Variants in OR2AG2 observed in about 807,000 individuals in gnomAD.
The protein encoded by OR2AG2 is olfactory receptor 2AG2.
For synonymous variants in OR2AG2, 167 were observed against 157.1 expected, an observed-to-expected ratio of 1.06 and a Z score of -0.47; for missense variants, 390 against 391.9, an observed-to-expected ratio of 1.00 and a Z score of 0.04.
chr11:6,767,859 ATAAAAG>A lies in OR2AG2; in HGVS notation c.*142_*147del, dbSNP rs1847392199. 1.4e-6 allele frequency: 1 copy of A among 692,758 alleles called. No individual in the cohort carries two copies. The highest frequency in any genetic ancestry group is 2.4e-6 in the Non-Finnish European group (1 of 417,498). The allele number at this position is 692,758 out of a possible 1,614,324, so 42.9% of individuals were successfully genotyped here. The stretch of plus-strand genomic sequence containing the variant: ...GTACACACCAGATTCACAGTTGAAA[ATAAAAG>A]TAAAATTTAAAAAATGTATCTATCA... On this transcript the variant is annotated 3_prime_UTR_variant, in exon 2 of 2. Coordinates refer to ENST00000641124, the MANE Select transcript of OR2AG2 (RefSeq NM_001004490.2).
chr11:6,768,067 G>T lies in OR2AG2; in HGVS notation c.891C>A (p.Val297=). ...CCAGGACCCTCCTCAAGGCCCGCAT[G>T]ACCTCCTTATTCCTCAGGCTGTAGA... ...PLIYSLRNKE[V]MRALRRVLGK... Residue 297 remains valine, a synonymous_variant, in exon 2 of 2, where the codon GTC becomes GTA. Transcript: ENST00000641124. 1 of 1,614,096 alleles carries T rather than the reference G, an allele frequency of 6.2e-7. No individual in the cohort carries two copies. The highest frequency in any genetic ancestry group is 8.5e-7 in the Non-Finnish European group (1 of 1,180,022).
chr11:6,771,207 G>A (rs1847443787), intron 1 of OR2AG2, among the ~76,000 whole-genome samples: 1 of 152,100 alleles, frequency 6.6e-6, no homozygotes, highest in East Asian at 1.9e-4. Flanking sequence ...TACTTCATTT[G>A]GCTTTTTGTG....
At position 6,768,212 on chromosome 11, in the gene OR2AG2, C is replaced by T. The variant is rs960631378; in HGVS notation, c.746G>A (p.Gly249Glu). ...GAATGTGGCAGCTCCATAGAACATC[C>T]CGACCACAATCAGGTGGGAAGAGCA... ...VTCSSHLIVVGMFYGAATFMY... is the reference protein window; with the variant it reads ...VTCSSHLIVVEMFYGAATFMY... The change falls in exon 2 of 2, where the codon GGG becomes GAG. Residue 249 changes from glycine to glutamate, a missense_variant. Gly to Glu is a moderately conservative substitution (Grantham distance 98). Coordinates refer to ENST00000641124, the MANE Select transcript of OR2AG2 (RefSeq NM_001004490.2). The T allele has an allele frequency of 6.2e-7, 1 of 1,614,130 alleles. No homozygotes were observed. Among genetic ancestry groups the T allele is most frequent in the Non-Finnish European group, 8.5e-7 (1 of 1,180,014 alleles).
At chr11:6,769,945 A>G (rs1847432099) in intron 1 of OR2AG2, among the ~76,000 whole-genome samples, 1 of 152,164 alleles carries the variant, frequency 6.6e-6, no homozygotes, top group Non-Finnish European at 1.5e-5. Flanking sequence ...CAGTTTTTTC[A>G]CAGTCGGATG....
rs1564898263 is a variant in OR2AG2 at position 6,768,360 on chromosome 11, A to G, written c.598T>C (p.Tyr200His). Residue 200 changes from tyrosine (Y) to histidine (H), a missense_variant, in exon 2 of 2, where the codon TAC becomes CAC. Tyr to His is a moderately conservative substitution (Grantham distance 83, BLOSUM62 2). Transcript: ENST00000641124. ...ADTSRYELII[Y>H]VTGVTFLLLP... ...AAGAGGAAAGTCACACCTGTCACGT[A>G]TATTATAAGCTCATACCTGGAGGTA... 6.2e-7 allele frequency: 1 copy of G among 1,614,122 alleles called. No homozygotes were observed. The highest frequency in any genetic ancestry group is 8.5e-7 in the Non-Finnish European group (1 of 1,179,984).
At position 6,768,633 on chromosome 11, in the gene OR2AG2, T is replaced by C. The variant is rs1242978309; in HGVS notation, c.325A>G (p.Ser109Gly). The change falls in exon 2 of 2, where the codon AGC becomes GGC. Residue 109 changes from serine to glycine, a missense_variant. Ser to Gly is a moderately conservative substitution (Grantham distance 56, BLOSUM62 0). Coordinates refer to ENST00000641124, the MANE Select transcript of OR2AG2 (RefSeq NM_001004490.2). ...AAGGCCAGTAGGAGGTCCTCAGCGC[T>C]ACCCATTGTCAGTGCCAGGAACATC... ...LQMFLALTMG[S>G]AEDLLLAFMA... The C allele has an allele frequency of 4.0e-5, 65 of 1,614,036 alleles. No homozygotes were observed. The highest frequency in any genetic ancestry group is 5.0e-5 in the Admixed American group (3 of 60,014).
Position 6,767,411 on chromosome 11 carries a change from G to A in OR2AG2, c.*596C>T, listed in dbSNP as rs10839615. On this transcript the variant is annotated 3_prime_UTR_variant, in exon 2 of 2. Coordinates refer to ENST00000641124, the MANE Select transcript of OR2AG2 (RefSeq NM_001004490.2). ...AATGTAATTATTTATCATTACTCAAGTAACCAATGTGAAGGTCCCTTAGGT... is the reference window on the plus strand; with the variant it reads ...AATGTAATTATTTATCATTACTCAAATAACCAATGTGAAGGTCCCTTAGGT... 23,804 of 152,274 alleles carry A rather than the reference G, an allele frequency of 0.16. 2,360 individuals carry two copies. Among genetic ancestry groups the A allele is most frequent in the Admixed American group, 0.3 (4,550 of 15,282 alleles). The allele number at this position is 152,274 out of a possible 1,614,324, so 9.4% of individuals were successfully genotyped here.
rs962827584 is a variant in OR2AG2 at position 6,767,727 on chromosome 11, G to A, written c.*280C>T. ...GTCAGGACGATGCCTACCACAGAGT[G>A]AGTCTACAACACCCATTCAAGGCTT... is the stretch of plus-strand genomic sequence containing the variant. On this transcript the variant is annotated 3_prime_UTR_variant, in exon 2 of 2. Transcript: ENST00000641124. 7 of 403,934 alleles carry A rather than the reference G, an allele frequency of 1.7e-5. No homozygotes were observed. The highest frequency in any genetic ancestry group is 1.4e-4 in the African/African-American group (7 of 49,326). 25.0% of individuals were successfully genotyped at this position (403,934 alleles called of 1,614,324 possible).
Position 6,767,732 on chromosome 11 carries a change from T to TAC in OR2AG2, c.*273_*274dup. 1 of 439,594 alleles carries TAC rather than the reference T, an allele frequency of 2.3e-6. No homozygotes were observed. The highest frequency in any genetic ancestry group is 4.0e-6 in the Non-Finnish European group (1 of 247,706). The allele number at this position is 439,594 out of a possible 1,614,324, so 27.2% of individuals were successfully genotyped here. A position where few individuals can be genotyped will look rare whatever the true frequency, so the allele number is the denominator to read the frequency against. On this transcript the variant is annotated 3_prime_UTR_variant, in exon 2 of 2. Transcript: ENST00000641124. The stretch of plus-strand genomic sequence containing the variant: ...GACGATGCCTACCACAGAGTGAGTC[T>TAC]ACAACACCCATTCAAGGCTTTTCCC...
In OR2AG2 at chr11:6,767,497, T is replaced by C. The variant is rs972988252; in HGVS notation, c.*510A>G. The C allele has an allele frequency of 1.3e-5, 2 of 154,290 alleles. No homozygotes were observed. Among genetic ancestry groups the C allele is most frequent in the Non-Finnish European group, 2.9e-5 (2 of 69,566 alleles). The allele number at this position is 154,290 out of a possible 1,614,324, so 9.6% of individuals were successfully genotyped here. A position where few individuals can be genotyped will look rare whatever the true frequency, so the allele number is the denominator to read the frequency against. ...TTTCCACTAACTGCTCAAATAATCA[T>C]CTACTTAATAAACAGGAAGTCTAAT... On this transcript the variant is annotated 3_prime_UTR_variant, in exon 2 of 2. Transcript: ENST00000641124.
chr11:6,771,179 A>C (rs1847443408), intron 1 of OR2AG2, among the ~76,000 whole-genome samples: 1 of 152,200 alleles, frequency 6.6e-6, no homozygotes, highest in African/African-American at 2.4e-5. Context: ...TCTGCTCAGT[A>C]TATTTATTTT....
intron 1 of OR2AG2, among the ~76,000 whole-genome samples, chr11:6,770,719 T>G (rs1847438520): frequency 6.6e-6 from 1 of 152,158 alleles, no homozygotes; most frequent in Non-Finnish European, 1.5e-5. Flanking sequence ...AATGCCTTCA[T>G]TTTTCTTGAA....
Position 6,769,005 on chromosome 11 carries a change from C to T in OR2AG2, c.-48G>A. The stretch of plus-strand genomic sequence containing the variant: ...GAACCAAATATATTATCAGTGGAAG[C>T]TTTTCTAAAGGTGTTCACTCTAGCT... On this transcript the variant is annotated 5_prime_UTR_variant, in exon 2 of 2. Coordinates refer to ENST00000641124, the MANE Select transcript of OR2AG2 (RefSeq NM_001004490.2). 7.1e-7 allele frequency: 1 copy of T among 1,409,130 alleles called. No homozygotes were observed. The highest frequency in any genetic ancestry group is 9.8e-7 in the Non-Finnish European group (1 of 1,017,462). The allele number at this position is 1,409,130 out of a possible 1,614,324, so 87.3% of individuals were successfully genotyped here.
rs1387248311 is a variant in OR2AG2 at position 6,771,840 on chromosome 11, T to C, written c.-756A>G. On this transcript the variant is annotated 5_prime_UTR_variant, in exon 1 of 2. Coordinates refer to ENST00000641124, the MANE Select transcript of OR2AG2 (RefSeq NM_001004490.2). ...AACCTAGGGCAGGATCCTGCAGAAG[T>C]GAGGAGCTGAATCTCTTCCAAAGTT... The C allele has an allele frequency of 6.6e-6, 1 of 152,304 alleles. No homozygotes were observed. Among genetic ancestry groups the C allele is most frequent in the East Asian group, 1.9e-4 (1 of 5,178 alleles). The allele number at this position is 152,304 out of a possible 1,614,324, so 9.4% of individuals were successfully genotyped here.
Position 6,769,039 on chromosome 11 carries a change from T to C in OR2AG2, c.-82A>G. ...AGGTGTTCACTCTAGCTTTGGATTGTTCTAGGTCACTGTGCATTGGCCAAT... is the reference window on the plus strand; with the variant it reads ...AGGTGTTCACTCTAGCTTTGGATTGCTCTAGGTCACTGTGCATTGGCCAAT... On this transcript the variant is annotated 5_prime_UTR_variant, in exon 2 of 2. Transcript: ENST00000641124. The C allele has an allele frequency of 1.0e-6, 1 of 983,738 alleles. No homozygotes were observed. Among genetic ancestry groups the C allele is most frequent in the Non-Finnish European group, 1.5e-6 (1 of 665,138 alleles). 60.9% of individuals were successfully genotyped at this position (983,738 alleles called of 1,614,324 possible). A position where few individuals can be genotyped will look rare whatever the true frequency, so the allele number is the denominator to read the frequency against.
In OR2AG2 at chr11:6,769,021, C is replaced by T. The variant is rs540324170; in HGVS notation, c.-64G>A. 1.8e-5 allele frequency: 21 copies of T among 1,195,312 alleles called. No homozygotes were observed. The South Asian group carries it at 3.0e-4, about 17-fold the overall frequency. The allele number at this position is 1,195,312 out of a possible 1,614,324, so 74.0% of individuals were successfully genotyped here. A position where few individuals can be genotyped will look rare whatever the true frequency, so the allele number is the denominator to read the frequency against. On this transcript the variant is annotated 5_prime_UTR_variant, in exon 2 of 2. Transcript: ENST00000641124. ...CAGTGGAAGCTTTTCTAAAGGTGTT[C>T]ACTCTAGCTTTGGATTGTTCTAGGT...
chr11:6,771,501 G>A (rs1398952096), intron 1 of OR2AG2, 121 bp downstream of exon 1: 2 of 152,254 alleles, frequency 1.3e-5, no homozygotes, highest in Non-Finnish European at 2.9e-5. Context: ...ATGGGAGTGA[G>A]TGAATCATAA....
At position 6,769,200 on chromosome 11, in the gene OR2AG2, C is replaced by A; in HGVS notation, c.-243G>T. 2.3e-6 allele frequency: 1 copy of A among 441,076 alleles called. No homozygotes were observed. The allele number at this position is 441,076 out of a possible 1,614,324, so 27.3% of individuals were successfully genotyped here. A position where few individuals can be genotyped will look rare whatever the true frequency, so the allele number is the denominator to read the frequency against. On this transcript the variant is annotated 5_prime_UTR_variant, in exon 2 of 2. It introduces an in-frame stop codon into an upstream open reading frame of the 5' UTR. Transcript: ENST00000641124. Reference sequence around the variant, plus strand: ...TGTTAATAGTAATCATTTAGAAATCCCTTCAAATAAGGTATCCTGAAGAAT... The same window carrying A: ...TGTTAATAGTAATCATTTAGAAATCACTTCAAATAAGGTATCCTGAAGAAT...
chr11:6,768,073 C>T lies in OR2AG2; in HGVS notation c.885G>A (p.Lys295=), dbSNP rs140650454. The T allele has an allele frequency of 0.012, 19,110 of 1,614,056 alleles. 147 individuals are homozygous for T. Among genetic ancestry groups the T allele is most frequent in the Non-Finnish European group, 0.014 (16,891 of 1,179,990 alleles). ...LNPLIYSLRN[K]EVMRALRRVL... ...CCCTCCTCAAGGCCCGCATGACCTC[C>T]TTATTCCTCAGGCTGTAGATGAGTG... The change falls in exon 2 of 2, where the codon AAG becomes AAA. Residue 295 remains lysine (K), a synonymous_variant. Transcript: ENST00000641124.
Sources: gnomAD v4.1 joint callset for allele counts (sites outside exome capture counted in the v4.1 genomes callset) on GRCh38, gnomAD v4.1.1 for gene constraint, MANE v1.5 for transcripts, NCBI Gene and HGNC (gene_info 2026-07-23, HGNC 2026-07-21) for gene names.